The following LIN54 variants were observed in gnomAD, a reference collection of about 807,000 sequenced individuals.
The protein encoded by LIN54 is protein lin-54 homolog.
Under a neutral mutation model 78.7 loss-of-function variants are expected in LIN54, and 9 were observed. That is an observed-to-expected ratio of 0.11 (90% CI 0.07 to 0.20). The LOEUF is 0.20. Ranked by LOEUF, LIN54 falls within the 10% of genes least tolerant of loss-of-function variation. The pLI is 1.00. For missense variants in LIN54, 573 were observed against 889.9 expected, an observed-to-expected ratio of 0.64 and a Z score of 4.53; for synonymous variants, 269 against 318.4, an observed-to-expected ratio of 0.84 and a Z score of 1.65.
At chr4:82,975,223 T>G (rs540041245) in intron 3 of LIN54, among the ~76,000 whole-genome samples, 1 of 149,326 alleles carries the variant, frequency 6.7e-6, no homozygotes, top group East Asian at 2.0e-4. Context: ...CCGGATGTGG[T>G]GGAGTGTGCC....
upstream of LIN54, chr4:83,012,062 C>T: frequency 1.0e-6 from 1 of 984,994 alleles, no homozygotes; most frequent in South Asian, 4.7e-5. Context: ...TAGATTCAGC[C>T]TTCAACAAGG....
chr4:82,935,857 C>G (rs186682652), intron 11 of LIN54, 124 bp downstream of exon 11: 1,097 of 949,930 alleles, frequency 1.2e-3, no homozygotes, highest in Non-Finnish European at 1.6e-3. Flanking sequence ...GGCCTTTGCA[C>G]CAACTGTGCA....
intron 5 of LIN54, among the ~76,000 whole-genome samples, chr4:82,942,996 A>C (rs1172252031): frequency 2.0e-5 from 3 of 152,054 alleles, no homozygotes; most frequent in Admixed American, 6.6e-5. Flanking sequence ...GGAATGAAGA[A>C]AATATAAAAC....
Position 83,001,937 on chromosome 4 carries a change from A to G in LIN54, c.-33+8547T>C, listed in dbSNP as rs1354113305. Among the ~76,000 whole-genome samples, 6 of 3,202 alleles carry G rather than the reference A, an allele frequency of 1.9e-3. 2 individuals are homozygous for G. Among genetic ancestry groups the G allele is most frequent in the Non-Finnish European group, 4.9e-3 (2 of 412 alleles). 2.1% of individuals were successfully genotyped at this position (3,202 alleles called of 152,430 possible). A position where few individuals can be genotyped will look rare whatever the true frequency, so the allele number is the denominator to read the frequency against. Reference sequence around the variant, plus strand: ...AGGGAGGGAGGGAGGGAGGGAAGGAAGGAAGGAAGGAAGGAAGGAAGGAAG... The same window carrying G: ...AGGGAGGGAGGGAGGGAGGGAAGGAGGGAAGGAAGGAAGGAAGGAAGGAAG... On this transcript the variant is annotated intron_variant, in intron 1 of 12. Transcript: ENST00000340417.
intron 12 of LIN54, 22 bp from the exon 13 acceptor site, chr4:82,928,325 A>C: frequency 6.3e-7 from 1 of 1,579,904 alleles, no homozygotes; most frequent in Non-Finnish European, 8.7e-7. Flanking sequence ...TTTGAAAGAG[A>C]AAGATGATGG....
At chr4:83,005,126 C>T (rs1247907585) in intron 1 of LIN54, among the ~76,000 whole-genome samples, 2 of 151,996 alleles carry the variant, frequency 1.3e-5, no homozygotes, top group Admixed American at 6.6e-5. Context: ...CAACTCCTGA[C>T]CTCAGGTGAT....
At chr4:82,959,460 A>G (rs1724614704) in intron 4 of LIN54, among the ~76,000 whole-genome samples, 1 of 152,108 alleles carries the variant, frequency 6.6e-6, no homozygotes, top group Non-Finnish European at 1.5e-5. Context: ...ACACCACTGC[A>G]CTCCAGCCTA....
intron 1 of LIN54, among the ~76,000 whole-genome samples, chr4:83,009,900 G>T (rs927765562): frequency 6.6e-6 from 1 of 152,112 alleles, no homozygotes; most frequent in African/African-American, 2.4e-5. Context: ...GGGGCAGGAG[G>T]GTGAGTATAG....
chr4:83,006,096 A>G (rs556591536), intron 1 of LIN54, among the ~76,000 whole-genome samples: 1 of 149,510 alleles, frequency 6.7e-6, no homozygotes, highest in Admixed American at 6.9e-5. Flanking sequence ...ACTTATGAAC[A>G]TAAAGATGGC....
At chr4:82,956,661 A>G (rs1268257426) in intron 4 of LIN54, among the ~76,000 whole-genome samples, 1 of 152,174 alleles carries the variant, frequency 6.6e-6, no homozygotes, top group African/African-American at 2.4e-5. Flanking sequence ...CAGGTATTCA[A>G]TCAACATAAT....
intron 1 of LIN54, among the ~76,000 whole-genome samples, chr4:82,995,355 A>AT (rs200236367): frequency 3.3e-4 from 50 of 151,010 alleles, no homozygotes; most frequent in Non-Finnish European, 5.6e-4. Context: ...TTTAAATTTA[A>AT]TTTTTTTTTA....
intron 1 of LIN54, among the ~76,000 whole-genome samples, chr4:83,002,686 T>G (rs1321723201): frequency 1.3e-5 from 2 of 152,138 alleles, no homozygotes; most frequent in Non-Finnish European, 2.9e-5. Context: ...ATGATCCACT[T>G]CAGTTCATGA....
chr4:82,969,925 T>C (rs553628662), intron 4 of LIN54, among the ~76,000 whole-genome samples: 12 of 138,844 alleles, frequency 8.6e-5, no homozygotes, highest in Non-Finnish European at 1.5e-5. Context: ...CTGGGTCCTG[T>C]TACCAAGCAA....
intron 5 of LIN54, among the ~76,000 whole-genome samples, chr4:82,943,860 G>GA: frequency 9.1e-6 from 1 of 110,106 alleles, no homozygotes; most frequent in African/African-American, 2.9e-5. Flanking sequence ...AGTCAATACT[G>GA]ATTTTTTTTT....
Position 82,962,180 on chromosome 4 carries a change from C to T in LIN54, c.951+8147G>A, listed in dbSNP as rs1724856115. 2.0e-5 allele frequency among the ~76,000 whole-genome samples: 3 copies of T among 152,246 alleles called. No homozygotes were observed. In the South Asian group the frequency reaches 6.2e-4, roughly 32 times the overall value. ...ACTCAAGCAATCTTCCCACCCCAGC[C>T]TTCCAAGTAGCTGGAACTACAAGTG... On this transcript the variant is annotated intron_variant, in intron 4 of 12. Coordinates refer to ENST00000340417, the MANE Select transcript of LIN54 (RefSeq NM_194282.4).
chr4:82,958,462 C>T (rs1724517116), intron 4 of LIN54, among the ~76,000 whole-genome samples: 1 of 152,152 alleles, frequency 6.6e-6, no homozygotes, highest in African/African-American at 2.4e-5. Flanking sequence ...TGTCTTTTCC[C>T]CTTCCAGCTC....
At chr4:82,991,156 A>AG (rs1289687951) in intron 1 of LIN54, among the ~76,000 whole-genome samples, 1 of 6,334 alleles carries the variant, frequency 1.6e-4, no homozygotes, top group Non-Finnish European at 1.3e-3. Flanking sequence ...TCTCTTAAGA[A>AG]AAAAAAAAAA....
In LIN54 at chr4:82,928,053, C is replaced by T; in HGVS notation, c.*49G>A. 1.3e-6 allele frequency: 2 copies of T among 1,489,676 alleles called. No individual in the cohort carries two copies. Among genetic ancestry groups the T allele is most frequent in the Non-Finnish European group, 1.9e-6 (2 of 1,067,232 alleles). The allele number at this position is 1,489,676 out of a possible 1,614,324, so 92.3% of individuals were successfully genotyped here. A position where few individuals can be genotyped will look rare whatever the true frequency, so the allele number is the denominator to read the frequency against. On this transcript the variant is annotated 3_prime_UTR_variant, in exon 13 of 13. Transcript: ENST00000340417. ...TCTTCCAGAAAATCAAGTGTCCCTG[C>T]ACCTTAAATTTTCTGTACAGTTCCA... is the stretch of plus-strand genomic sequence containing the variant.
At chr4:83,008,691 G>T (rs1729612813) in intron 1 of LIN54, among the ~76,000 whole-genome samples, 1 of 152,122 alleles carries the variant, frequency 6.6e-6, no homozygotes, top group Non-Finnish European at 1.5e-5. Context: ...TAAAGAAAAA[G>T]TAGTGAAAAT....
Sources: allele counts gnomAD v4.1 joint callset (sites outside exome capture counted in the v4.1 genomes callset), GRCh38; gene constraint gnomAD v4.1.1; transcripts MANE v1.5; gene names NCBI Gene and HGNC (gene_info 2026-07-23, HGNC 2026-07-21).